Variants in GPATCH8 observed in about 807,000 individuals in gnomAD.
GPATCH8 encodes G patch domain-containing protein 8.
GPATCH8 carries 18 observed loss-of-function variants against 118.3 expected under a neutral mutation model. The ratio of observed to expected loss-of-function variants is 0.15; its 90% CI spans 0.11 to 0.23. The LOEUF is 0.23. Ranked by LOEUF, GPATCH8 falls within the 10% of genes least tolerant of loss-of-function variation. The probability of loss-of-function intolerance (pLI) is 1.00; values close to 1 mark genes in which losing one functional copy is unlikely to be tolerated. For missense variants in GPATCH8, 1,631 were observed against 1,873.8 expected (o/e 0.87, Z 2.39); for synonymous variants, 659 against 684.7 (o/e 0.96, Z 0.59).
Position 44,503,307 on chromosome 17 carries a change from C to A in GPATCH8, c.45+19G>T. On this transcript the variant is annotated intron_variant, in intron 1 of 7. Transcript: ENST00000591680. ...TAGACCAGCGCCTTCCCCGCATCCT[C>A]GGCGACGCCCGTGTTTACCTGAAAG... The A allele has an allele frequency of 6.2e-7, 1 of 1,604,210 alleles. No individual in the cohort carries two copies.
intron 3 of GPATCH8, among the ~76,000 whole-genome samples, chr17:44,463,674 C>T (rs1216820954): frequency 6.6e-6 from 1 of 152,208 alleles, no homozygotes; most frequent in Non-Finnish European, 1.5e-5. Context: ...GCCACCGCGC[C>T]CGGCCAATTC....
chr17:44,432,047 GT>G (rs762963401), intron 5 of GPATCH8, among the ~76,000 whole-genome samples: 5,927 of 135,956 alleles, frequency 0.044, 241 homozygotes, highest in African/African-American at 0.12. Context: ...ATCAGAGTGG[GT>G]TTTTTTTTTT....
chr17:44,402,133 A>G (rs1168054870), intron 7 of GPATCH8, among the ~76,000 whole-genome samples: 1 of 151,952 alleles, frequency 6.6e-6, no homozygotes, highest in Non-Finnish European at 1.5e-5. Flanking sequence ...CAGCCTGACC[A>G]ACATGGTGAA....
At chr17:44,463,540 G>C (rs529972558) in intron 3 of GPATCH8, among the ~76,000 whole-genome samples, 1 of 152,234 alleles carries the variant, frequency 6.6e-6, no homozygotes, top group Non-Finnish European at 1.5e-5. Flanking sequence ...GTGCCACCAC[G>C]CCTGGCTAAT....
rs780621572 is a variant in GPATCH8 at position 44,399,144 on chromosome 17, G to C, written c.2933C>G (p.Thr978Arg). The C allele has an allele frequency of 2.4e-5, 38 of 1,607,148 alleles. No individual in the cohort carries two copies. The East Asian group carries it at 8.0e-4, about 34-fold the overall frequency. The change falls in exon 8 of 8, where the codon ACA (threonine) becomes AGA (arginine). Residue 978 changes from threonine (T) to arginine (R), a missense_variant. By Grantham distance (71) the Thr-to-Arg change is moderately conservative (BLOSUM62 -1). Around this residue, in one of 8 missense-constraint regions of GPATCH8, gnomAD observed 922 missense variants for 879.7 expected, o/e 1.05. Coordinates refer to ENST00000591680, the MANE Select transcript of GPATCH8 (RefSeq NM_001002909.4). Reference sequence around the variant, plus strand: ...CCGGCTCCGTTGCCAGCTGTGGGCTGTGGTGCTACGGCTTCTCCGCTTGCT... The same window carrying C: ...CCGGCTCCGTTGCCAGCTGTGGGCTCTGGTGCTACGGCTTCTCCGCTTGCT... ...SRSKRRSRSTTAHSWQRSRSY... is the reference protein window; with the variant it reads ...SRSKRRSRSTRAHSWQRSRSY...
At chr17:44,499,729 G>C (rs1324193974) in intron 1 of GPATCH8, among the ~76,000 whole-genome samples, 1 of 152,116 alleles carries the variant, frequency 6.6e-6, no homozygotes, top group African/African-American at 2.4e-5. Context: ...TTTTCCATTA[G>C]TTTGTGTAAC....
chr17:44,396,849 T>C lies in GPATCH8; in HGVS notation c.*719A>G, dbSNP rs879921893. 4.0e-5 allele frequency: 18 copies of C among 454,302 alleles called. No homozygotes were observed. The highest frequency in any genetic ancestry group is 3.1e-4 in the Admixed American group (13 of 42,552). The allele number at this position is 454,302 out of a possible 1,614,324, so 28.1% of individuals were successfully genotyped here. ...AAATATACCCTTCACTTTAGACACA[T>C]GAGCTCCTCTCTGGGCCATACAGCT... On this transcript the variant is annotated 3_prime_UTR_variant, in exon 8 of 8. Coordinates refer to ENST00000591680, the MANE Select transcript of GPATCH8 (RefSeq NM_001002909.4).
At chr17:44,458,075 C>T (rs1396296456) in intron 3 of GPATCH8, among the ~76,000 whole-genome samples, 1 of 144,646 alleles carries the variant, frequency 6.9e-6, no homozygotes, top group East Asian at 2.0e-4. Context: ...GGCGATGGAG[C>T]GAGACTCCAT....
At chr17:44,423,713 T>C (rs1367869965) in intron 6 of GPATCH8, among the ~76,000 whole-genome samples, 1 of 152,104 alleles carries the variant, frequency 6.6e-6, no homozygotes, top group Non-Finnish European at 1.5e-5. Context: ...CCATCTTCTG[T>C]ATATCAGTAA....
chr17:44,419,905 A>C (rs1414000593), intron 6 of GPATCH8, among the ~76,000 whole-genome samples: 4 of 152,156 alleles, frequency 2.6e-5, no homozygotes, highest in Non-Finnish European at 5.9e-5. Flanking sequence ...TTATATATTT[A>C]TAACATTCTG....
chr17:44,484,810 TATG>T (rs1239658918), intron 1 of GPATCH8, among the ~76,000 whole-genome samples: 1 of 152,166 alleles, frequency 6.6e-6, no homozygotes, highest in Non-Finnish European at 1.5e-5. Flanking sequence ...TCATAAGTGC[TATG>T]ATGTGTCCTG....
chr17:44,465,781 A>T (rs2051737868), intron 2 of GPATCH8: 1 of 152,216 alleles, frequency 6.6e-6, no homozygotes, highest in Admixed American at 6.5e-5. Flanking sequence ...CAAATATTGC[A>T]CATTAAACTG....
At chr17:44,465,340 A>G (rs1450479097) in intron 2 of GPATCH8, 2 of 152,228 alleles carry the variant, frequency 1.3e-5, no homozygotes, top group Admixed American at 6.5e-5. Flanking sequence ...ACCAACATAC[A>G]TAATGTCTCA....
chr17:44,491,873 A>G (rs116598274), intron 1 of GPATCH8, among the ~76,000 whole-genome samples: 1,858 of 152,300 alleles, frequency 0.012, 33 homozygotes, highest in African/African-American at 0.037. Flanking sequence ...ATCCTGTCTC[A>G]ATAAATAAAT....
intron 1 of GPATCH8, among the ~76,000 whole-genome samples, chr17:44,489,497 T>C (rs1399764799): frequency 6.6e-6 from 1 of 152,066 alleles, no homozygotes; most frequent in Non-Finnish European, 1.5e-5. Context: ...CCCGCCATCA[T>C]GCCTGGCTAA....
At chr17:44,462,573 T>C (rs1402646743) in intron 3 of GPATCH8, among the ~76,000 whole-genome samples, 1 of 152,206 alleles carries the variant, frequency 6.6e-6, no homozygotes, top group Non-Finnish European at 1.5e-5. Flanking sequence ...CCCAGAAGAA[T>C]AGGTTAATGC....
chr17:44,417,529 C>A (rs1044566677), intron 6 of GPATCH8, among the ~76,000 whole-genome samples: 41 of 152,150 alleles, frequency 2.7e-4, no homozygotes, highest in Admixed American at 1.3e-4. Flanking sequence ...TAAAGAATTT[C>A]TGAAGATGCT....
At chr17:44,498,775 T>C (rs1969851368) in intron 1 of GPATCH8, among the ~76,000 whole-genome samples, 1 of 152,180 alleles carries the variant, frequency 6.6e-6, no homozygotes, top group East Asian at 1.9e-4. Flanking sequence ...GAGCGAGACA[T>C]AGGAAAAACG....
rs1219984437 is a variant in GPATCH8, at chr17:44,400,099, T to G, written c.1978A>C (p.Arg660=). The stretch of plus-strand genomic sequence containing the variant: ...CGTTCTTTCTTGCTGGGAAGGCTTC[T>G]CCCTGTGTCTTCTGTCTCAGACCCA... ...SHGSETEDTG[R]SLPSKKERSG... The change falls in exon 8 of 8, where the codon AGA becomes CGA. Residue 660 remains arginine, a synonymous_variant. Coordinates refer to ENST00000591680, the MANE Select transcript of GPATCH8 (RefSeq NM_001002909.4). The G allele has an allele frequency of 1.9e-6, 3 of 1,614,068 alleles. No individual in the cohort carries two copies. The highest frequency in any genetic ancestry group is 1.6e-4 in the Middle Eastern group (1 of 6,062).
Sources: allele counts gnomAD v4.1 joint callset (sites outside exome capture counted in the v4.1 genomes callset), GRCh38; gene constraint gnomAD v4.1.1; regional missense constraint gnomAD v4.1.1; transcripts MANE v1.5; gene names NCBI Gene and HGNC (gene_info 2026-07-23, HGNC 2026-07-21).